The following CNOT6L variants were observed in gnomAD, a reference collection of about 807,000 sequenced individuals.
CNOT6L encodes CCR4-NOT transcription complex subunit 6 like, also known as CCR4-NOT transcription complex subunit 6-like.
Under a neutral mutation model 64.0 loss-of-function variants are expected in CNOT6L, and 7 were observed. The observed-to-expected ratio is 0.11, with a 90% CI of 0.06 to 0.21. CNOT6L has a LOEUF of 0.21. Among genes scored for constraint, CNOT6L ranks in the 10% least tolerant of loss-of-function variants. The pLI, the probability that CNOT6L is intolerant of heterozygous loss-of-function variation, is 1.00. For missense variants in CNOT6L, 245 were observed against 669.0 expected, an observed-to-expected ratio of 0.37 and a Z score of 6.99; for synonymous variants, 193 against 243.4, an observed-to-expected ratio of 0.79 and a Z score of 1.93.
chr4:77,744,658 C>A (rs376058693), intron 7 of CNOT6L, 60 bp downstream of exon 7: 1 of 1,436,810 alleles, frequency 7.0e-7, no homozygotes, highest in Non-Finnish European at 9.3e-7. Flanking sequence ...GTGGTCAGAT[C>A]TTCTCTTATG....
At chr4:77,743,090 T>TAAATATACAGTA (rs1321297330) in intron 7 of CNOT6L, among the ~76,000 whole-genome samples, 1 of 152,162 alleles carries the variant, frequency 6.6e-6, no homozygotes, top group Non-Finnish European at 1.5e-5. Context: ...AATGTATCTG[T>TAAATATACAGTA]AAATATATTT....
chr4:77,805,378 G>A (rs72652531), intron 1 of CNOT6L, among the ~76,000 whole-genome samples: 18,409 of 151,868 alleles, frequency 0.12, 1,539 homozygotes, highest in Non-Finnish European at 0.17. Context: ...TACAAGCAAA[G>A]GTAATTAACC....
At chr4:77,759,434 G>A (rs542415011) in intron 4 of CNOT6L, among the ~76,000 whole-genome samples, 7 of 152,030 alleles carry the variant, frequency 4.6e-5, no homozygotes, top group East Asian at 3.9e-4. Flanking sequence ...GCGTGGTTGC[G>A]GGCGCTTGTA....
Position 77,716,431 on chromosome 4 carries a change from T to TGTA in CNOT6L, c.*3997_*3999dup, listed in dbSNP as rs1720755284. On this transcript the variant is annotated 3_prime_UTR_variant, in exon 12 of 12. Coordinates refer to ENST00000504123, the MANE Select transcript of CNOT6L (RefSeq NM_144571.3). Reference sequence around the variant, plus strand: ...TATATGCCTCTGGTTCTTCAAAGAATGTATTTAGCCTATTCTTCCCTGTGC... The same window carrying TGTA: ...TATATGCCTCTGGTTCTTCAAAGAATGTAGTATTTAGCCTATTCTTCCCTGTGC... 6.6e-6 allele frequency: 1 copy of TGTA among 152,150 alleles called. No homozygotes were observed. Among genetic ancestry groups the TGTA allele is most frequent in the Admixed American group, 6.6e-5 (1 of 15,240 alleles). 9.4% of individuals were successfully genotyped at this position (152,150 alleles called of 1,614,324 possible). A position where few individuals can be genotyped will look rare whatever the true frequency, so the allele number is the denominator to read the frequency against.
chr4:77,719,128 A>G lies in CNOT6L; in HGVS notation c.*1303T>C, dbSNP rs1383077784. 1.3e-5 allele frequency: 2 copies of G among 152,546 alleles called. No individual in the cohort carries two copies. The highest frequency in any genetic ancestry group is 4.8e-5 in the African/African-American group (2 of 41,418). 9.4% of individuals were successfully genotyped at this position (152,546 alleles called of 1,614,324 possible). On this transcript the variant is annotated 3_prime_UTR_variant, in exon 12 of 12. Coordinates refer to ENST00000504123, the MANE Select transcript of CNOT6L (RefSeq NM_144571.3). ...ATAATTAACATCAAGTAGCCAACCAATTTTTCCCCAGAAAACAGTATTCTG... is the reference window on the plus strand; with the variant it reads ...ATAATTAACATCAAGTAGCCAACCAGTTTTTCCCCAGAAAACAGTATTCTG...
intron 1 of CNOT6L, among the ~76,000 whole-genome samples, chr4:77,779,022 A>G (rs1295633957): frequency 1.6e-4 from 21 of 131,500 alleles, no homozygotes; most frequent in Middle Eastern, 4.0e-3. Context: ...ACTCCAGCCT[A>G]GGTGACAGAG....
intron 4 of CNOT6L, among the ~76,000 whole-genome samples, chr4:77,759,728 C>T (rs1408948992): frequency 6.6e-6 from 1 of 152,142 alleles, no homozygotes; most frequent in South Asian, 2.1e-4. Context: ...ACTTCAAACA[C>T]TCCTATGGTT....
chr4:77,771,258 A>G (rs1727523619), intron 4 of CNOT6L, among the ~76,000 whole-genome samples: 1 of 152,182 alleles, frequency 6.6e-6, no homozygotes, highest in Non-Finnish European at 1.5e-5. Flanking sequence ...GGTTGCCGGG[A>G]GGCGGTGGTT....
chr4:77,805,310 A>G (rs1019559478), intron 1 of CNOT6L, among the ~76,000 whole-genome samples: 1 of 152,344 alleles, frequency 6.6e-6, no homozygotes, highest in African/African-American at 2.4e-5. Context: ...TACCATCTGC[A>G]AAGAAAAGTA....
chr4:77,722,114 T>C (rs1171131748), intron 11 of CNOT6L, among the ~76,000 whole-genome samples: 1 of 152,222 alleles, frequency 6.6e-6, no homozygotes, highest in Non-Finnish European at 1.5e-5. Context: ...TCCCTTCATT[T>C]TGGTTATAAT....
At chr4:77,743,066 T>C (rs1479514218) in intron 7 of CNOT6L, among the ~76,000 whole-genome samples, 1 of 152,112 alleles carries the variant, frequency 6.6e-6, no homozygotes, top group Non-Finnish European at 1.5e-5. Flanking sequence ...TTAAGTACAA[T>C]AAATAAGAAT....
At position 77,715,605 on chromosome 4, in the gene CNOT6L, G is replaced by GT. The variant is rs568791162; in HGVS notation, c.*4825dup. On this transcript the variant is annotated 3_prime_UTR_variant, in exon 12 of 12. Coordinates refer to ENST00000504123, the MANE Select transcript of CNOT6L (RefSeq NM_144571.3). ...CCTATTTCCTGGTGTAGGACCTGGG[G>GT]TTTAATAGAGACATTTACATAAAAA... 64 of 152,360 alleles carry GT rather than the reference G, an allele frequency of 4.2e-4. No homozygotes were observed. In the East Asian group the frequency reaches 0.012, roughly 29 times the overall value. 9.4% of individuals were successfully genotyped at this position (152,360 alleles called of 1,614,324 possible).
rs201499481 is a variant in CNOT6L, at chr4:77,714,438, TA to T, written c.*5992del. The T allele has an allele frequency of 5.2e-5, 7 of 134,648 alleles. No individual in the cohort carries two copies. Among genetic ancestry groups the T allele is most frequent in the African/African-American group, 1.2e-4 (4 of 33,732 alleles). 8.3% of individuals were successfully genotyped at this position (134,648 alleles called of 1,614,324 possible). On this transcript the variant is annotated 3_prime_UTR_variant, in exon 12 of 12. Coordinates refer to ENST00000504123, the MANE Select transcript of CNOT6L (RefSeq NM_144571.3). ...AGAAAAAGTACATACACACTCTCTT[TA>T]AAAAAAAAAAAAAAAAAAAAAAAAA...
chr4:77,716,705 G>GTGAT lies in CNOT6L; in HGVS notation c.*3722_*3725dup, dbSNP rs1232074553. The stretch of plus-strand genomic sequence containing the variant: ...TTTCAACTTTCTCCCTTGCTTCTCT[G>GTGAT]TGATTTAATATATAACTTTAAGACA... On this transcript the variant is annotated 3_prime_UTR_variant, in exon 12 of 12. Coordinates refer to ENST00000504123, the MANE Select transcript of CNOT6L (RefSeq NM_144571.3). 3 of 152,396 alleles carry GTGAT rather than the reference G, an allele frequency of 2.0e-5. No individual in the cohort carries two copies. Among genetic ancestry groups the GTGAT allele is most frequent in the Non-Finnish European group, 4.4e-5 (3 of 68,000 alleles). The allele number at this position is 152,396 out of a possible 1,614,324, so 9.4% of individuals were successfully genotyped here.
intron 10 of CNOT6L, among the ~76,000 whole-genome samples, chr4:77,727,971 ATAACT>A (rs1363960438): frequency 6.6e-6 from 1 of 152,198 alleles, no homozygotes; most frequent in Non-Finnish European, 1.5e-5. Context: ...CTTACTTTAA[ATAACT>A]TAAAATAGCC....
At chr4:77,818,145 T>C (rs1252020789) in intron 1 of CNOT6L, among the ~76,000 whole-genome samples, 1 of 152,212 alleles carries the variant, frequency 6.6e-6, no homozygotes, top group Non-Finnish European at 1.5e-5. Flanking sequence ...ACAAGATAAC[T>C]AGAGGCAATA....
At chr4:77,790,224 T>C (rs1729967437) in intron 1 of CNOT6L, among the ~76,000 whole-genome samples, 1 of 152,164 alleles carries the variant, frequency 6.6e-6, no homozygotes, top group Non-Finnish European at 1.5e-5. Flanking sequence ...CTCCATGTCT[T>C]TTCATAGCTT....
At chr4:77,765,152 ACTCCCACCAG>A in intron 4 of CNOT6L, among the ~76,000 whole-genome samples, 1 of 152,114 alleles carries the variant, frequency 6.6e-6, no homozygotes, top group Non-Finnish European at 1.5e-5. Context: ...TCACTGCTAC[ACTCCCACCAG>A]CTCCATGACA....
At chr4:77,781,571 T>TTAA (rs1728860372) in intron 1 of CNOT6L, among the ~76,000 whole-genome samples, 1 of 152,120 alleles carries the variant, frequency 6.6e-6, no homozygotes, top group Non-Finnish European at 1.5e-5. Flanking sequence ...TATACTATTG[T>TTAA]TAACCCCAAA....
Sources: allele counts gnomAD v4.1 joint callset (sites outside exome capture counted in the v4.1 genomes callset), GRCh38; gene constraint gnomAD v4.1.1; transcripts MANE v1.5; gene names NCBI Gene and HGNC (gene_info 2026-07-23, HGNC 2026-07-21).